Variants in NXPE2 observed in about 807,000 individuals in gnomAD.
The protein encoded by NXPE2 is neurexophilin and PC-esterase domain family member 2.
A neutral mutation model predicts 34.4 loss-of-function variants in NXPE2; 34 were observed. That is an observed-to-expected ratio of 0.99 (90% CI 0.75 to 1.31). The LOEUF (loss-of-function observed/expected upper bound fraction) is 1.31. NXPE2 is among the 40% of genes most tolerant of loss of function. NXPE2 has a pLI of 0.00. For synonymous variants in NXPE2, 235 were observed against 231.3 expected (o/e 1.02, Z -0.15); for missense variants, 649 against 672.5 (o/e 0.97, Z 0.39).
chr11:114,605,830 A>G, the NXPE2 span, among the ~76,000 whole-genome samples: 1 of 151,592 alleles, frequency 6.6e-6, no homozygotes, highest in African/African-American at 2.4e-5. Context: ...GTGGAAAACA[A>G]GTATTGCCTC....
At chr11:114,550,240 A>G in the NXPE2 span, among the ~76,000 whole-genome samples, 5 of 152,162 alleles carry the variant, frequency 3.3e-5, no homozygotes, top group East Asian at 9.6e-4. Context: ...AGGATAAGTG[A>G]AAGAGAATAG....
At chr11:114,606,729 A>G in the NXPE2 span, among the ~76,000 whole-genome samples, 2 of 151,932 alleles carry the variant, frequency 1.3e-5, no homozygotes, top group African/African-American at 4.8e-5. Flanking sequence ...ATGGGTAACC[A>G]CTGCTACCTG....
the NXPE2 span, among the ~76,000 whole-genome samples, chr11:114,623,814 C>T: frequency 8.5e-5 from 13 of 152,244 alleles, no homozygotes; most frequent in South Asian, 1.2e-3. Flanking sequence ...AGAATTGCCT[C>T]GTGGGTAACC....
At chr11:114,647,700 A>C in the NXPE2 span, among the ~76,000 whole-genome samples, 1 of 144,112 alleles carries the variant, frequency 6.9e-6, no homozygotes, top group African/African-American at 2.5e-5. Flanking sequence ...GACTTATTTT[A>C]TTTTATTTTT....
chr11:114,788,851 C>G, the NXPE2 span, among the ~76,000 whole-genome samples: 127 of 152,308 alleles, frequency 8.3e-4, no homozygotes, highest in Non-Finnish European at 1.5e-3. Flanking sequence ...TCTTGCCTGT[C>G]ACTTCCTTCG....
the NXPE2 span, among the ~76,000 whole-genome samples, chr11:114,712,727 T>C: frequency 6.6e-6 from 1 of 152,110 alleles, no homozygotes; most frequent in African/African-American, 2.4e-5. Flanking sequence ...CCTCACAAAT[T>C]AAAAGTAGAA....
the NXPE2 span, among the ~76,000 whole-genome samples, chr11:114,644,879 T>C: frequency 1.3e-5 from 2 of 151,844 alleles, no homozygotes; most frequent in Admixed American, 1.3e-4. Flanking sequence ...TATAAACAAA[T>C]TGACCACTAA....
At chr11:114,539,654 A>T in the NXPE2 span, among the ~76,000 whole-genome samples, 1 of 152,190 alleles carries the variant, frequency 6.6e-6, no homozygotes, top group Non-Finnish European at 1.5e-5. Flanking sequence ...GAATCTGATT[A>T]ACTAATTCCA....
the NXPE2 span, among the ~76,000 whole-genome samples, chr11:114,623,409 G>A: frequency 2.0e-5 from 3 of 151,998 alleles, no homozygotes; most frequent in Non-Finnish European, 4.4e-5. Context: ...GGGTACCATT[G>A]TTACCCGCTG....
the NXPE2 span, among the ~76,000 whole-genome samples, chr11:114,616,800 GATA>G: frequency 6.6e-6 from 1 of 151,820 alleles, no homozygotes; most frequent in East Asian, 1.9e-4. Context: ...TTACACAGTG[GATA>G]ATAAGTGTTG....
chr11:114,805,883 A>G, the NXPE2 span, among the ~76,000 whole-genome samples: 2 of 152,240 alleles, frequency 1.3e-5, no homozygotes, highest in East Asian at 1.9e-4. Flanking sequence ...ATCTGAGAAC[A>G]GGCAGACTGC....
the NXPE2 span, chr11:114,582,196 A>G: frequency 7.2e-7 from 1 of 1,394,244 alleles, no homozygotes; most frequent in Non-Finnish European, 9.6e-7. Context: ...AGACACCCAA[A>G]ATTAATACAC....
the NXPE2 span, among the ~76,000 whole-genome samples, chr11:114,805,694 G>A: frequency 0.54 from 81,563 of 152,050 alleles, 23,413 homozygotes; most frequent in Non-Finnish European, 0.65. Flanking sequence ...CAAAGCAGCC[G>A]GGAAGCTTGA....
intron 2 of NXPE2, 86 bp from the exon 3 acceptor site, chr11:114,697,959 A>G: frequency 5.8e-6 from 7 of 1,210,466 alleles, no homozygotes; most frequent in Non-Finnish European, 7.7e-6. Context: ...ACACTGAAAG[A>G]TGTAAAATAA....
chr11:114,631,323 G>C, the NXPE2 span, among the ~76,000 whole-genome samples: 70 of 151,744 alleles, frequency 4.6e-4, no homozygotes, highest in South Asian at 3.3e-3. Context: ...CACATATACA[G>C]CATGGAATAC....
the NXPE2 span, among the ~76,000 whole-genome samples, chr11:114,614,630 A>T: frequency 6.6e-6 from 1 of 151,632 alleles, no homozygotes; most frequent in Non-Finnish European, 1.5e-5. Context: ...TACCTGGTGG[A>T]TTATAAGTAT....
chr11:114,737,064 C>T, the NXPE2 span, among the ~76,000 whole-genome samples: 1 of 152,218 alleles, frequency 6.6e-6, no homozygotes, highest in African/African-American at 2.4e-5. Flanking sequence ...AACACACACA[C>T]ACACGTTGTA....
the NXPE2 span, among the ~76,000 whole-genome samples, chr11:114,548,620 T>C: frequency 6.6e-6 from 1 of 152,010 alleles, no homozygotes; most frequent in African/African-American, 2.4e-5. Context: ...GTAACTATAA[T>C]TAATGCATAT....
chr11:114,530,556 C>T, the NXPE2 span: 3,563 of 1,613,984 alleles, frequency 2.2e-3, 13 homozygotes, highest in South Asian at 5.4e-3. Flanking sequence ...TCCTGAAGCA[C>T]CTGCCGTCAG....
Sources: gnomAD v4.1 joint callset for allele counts (sites outside exome capture counted in the v4.1 genomes callset) on GRCh38, gnomAD v4.1.1 for gene constraint, MANE v1.5 for transcripts, NCBI Gene and HGNC (gene_info 2026-07-23, HGNC 2026-07-21) for gene names.